SLC24A2: variants seen among roughly 807,000 people sequenced by gnomAD.
SLC24A2 encodes the protein solute carrier family 24 member 2.
A neutral mutation model predicts 62.0 loss-of-function variants in SLC24A2; 36 were observed. That is an observed-to-expected ratio of 0.58 (90% CI 0.44 to 0.77). SLC24A2 has a LOEUF of 0.77. Among genes scored for constraint, SLC24A2 ranks in the 30% least tolerant of loss-of-function variants. SLC24A2 has a pLI of 0.00. For synonymous variants in SLC24A2, 358 were observed against 294.0 expected, an observed-to-expected ratio of 1.22 and a Z score of -2.23; for missense variants, 846 against 817.9, an observed-to-expected ratio of 1.03 and a Z score of -0.42.
the SLC24A2 span, among the ~76,000 whole-genome samples, chr9:19,815,593 C>T: frequency 6.6e-6 from 1 of 152,040 alleles, no homozygotes; most frequent in African/African-American, 2.4e-5. Context: ...AGATGTATGC[C>T]ATGGAACCTA....
In SLC24A2 at chr9:19,513,176, GTATATATATA is replaced by G. The variant is rs60849714; in HGVS notation, c.*2967_*2976del. On this transcript the variant is annotated 3_prime_UTR_variant, in exon 11 of 11. Coordinates refer to ENST00000341998, the MANE Select transcript of SLC24A2 (RefSeq NM_020344.4). ...AAGATATATATATATATATATATAT[GTATATATATA>G]TATATGTATATATTTATATATGTAT... 4.5e-5 allele frequency: 3 copies of G among 66,970 alleles called. No individual in the cohort carries two copies. Among genetic ancestry groups the G allele is most frequent in the African/African-American group, 1.7e-4 (3 of 17,842 alleles). 4.1% of individuals were successfully genotyped at this position (66,970 alleles called of 1,614,324 possible). A position where few individuals can be genotyped will look rare whatever the true frequency, so the allele number is the denominator to read the frequency against.
chr9:20,019,284 A>AAAGAAAGG, the SLC24A2 span, among the ~76,000 whole-genome samples: 1 of 149,970 alleles, frequency 6.7e-6, no homozygotes, highest in East Asian at 1.9e-4. Context: ...AGAAAGAAAG[A>AAAGAAAGG]AAGAAAGAAA....
chr9:20,054,606 T>C, the SLC24A2 span, among the ~76,000 whole-genome samples: 1 of 152,184 alleles, frequency 6.6e-6, no homozygotes, highest in Non-Finnish European at 1.5e-5. Flanking sequence ...TCCTGAGTTT[T>C]CAAAGTCCAT....
chr9:20,149,815 T>A, the SLC24A2 span, among the ~76,000 whole-genome samples: 1 of 152,094 alleles, frequency 6.6e-6, no homozygotes, highest in Admixed American at 6.6e-5. Flanking sequence ...AGAAACTCAG[T>A]AGGAAAAAAT....
chr9:20,212,643 A>T, the SLC24A2 span, among the ~76,000 whole-genome samples: 1 of 151,760 alleles, frequency 6.6e-6, no homozygotes, highest in Admixed American at 6.6e-5. Flanking sequence ...GCCAGGGATA[A>T]ATAAGGAAAT....
chr9:20,013,909 A>G, the SLC24A2 span, among the ~76,000 whole-genome samples: 497 of 152,332 alleles, frequency 3.3e-3, 2 homozygotes, highest in Non-Finnish European at 5.5e-3. Context: ...AATGGTGTTT[A>G]TCAAAAAGAT....
At chr9:19,917,412 C>G in the SLC24A2 span, among the ~76,000 whole-genome samples, 1 of 149,186 alleles carries the variant, frequency 6.7e-6, no homozygotes, top group Non-Finnish European at 1.5e-5. Flanking sequence ...TTTATTAGCA[C>G]ATTGTCAAAT....
At chr9:19,544,338 G>C (rs1834438445) in intron 8 of SLC24A2, among the ~76,000 whole-genome samples, 1 of 150,702 alleles carries the variant, frequency 6.6e-6, no homozygotes, top group Non-Finnish European at 1.5e-5. Context: ...TGCATGTGAG[G>C]TGGGTCTCCT....
the SLC24A2 span, among the ~76,000 whole-genome samples, chr9:20,165,943 G>T: frequency 6.6e-6 from 1 of 151,574 alleles, no homozygotes; most frequent in Non-Finnish European, 1.5e-5. Flanking sequence ...TGGGCAAGGG[G>T]GATGGAAACA....
At chr9:20,257,906 T>C in the SLC24A2 span, among the ~76,000 whole-genome samples, 1 of 152,172 alleles carries the variant, frequency 6.6e-6, no homozygotes, top group African/African-American at 2.4e-5. Flanking sequence ...CATGGTCCCT[T>C]AGCTCATGGA....
chr9:20,104,042 C>A, the SLC24A2 span, among the ~76,000 whole-genome samples: 3 of 152,080 alleles, frequency 2.0e-5, no homozygotes, highest in South Asian at 6.2e-4. Flanking sequence ...TCAAGAACTA[C>A]ATGAAGAATG....
the SLC24A2 span, among the ~76,000 whole-genome samples, chr9:20,281,859 C>T: frequency 6.6e-6 from 1 of 152,104 alleles, no homozygotes. Context: ...CTAAATCTTC[C>T]AAAATATGAA....
chr9:19,887,105 A>G, the SLC24A2 span, among the ~76,000 whole-genome samples: 1 of 152,206 alleles, frequency 6.6e-6, no homozygotes, highest in Non-Finnish European at 1.5e-5. Context: ...TGCTGCGCTT[A>G]ATACCTAGGT....
chr9:19,592,541 C>T lies in SLC24A2; in HGVS notation c.1129+4688G>A, dbSNP rs867997018. Among the ~76,000 whole-genome samples the T allele has an allele frequency of 5.3e-5, 8 of 150,948 alleles. No individual in the cohort carries two copies. The East Asian group carries it at 1.4e-3, about 26-fold the overall frequency. On this transcript the variant is annotated intron_variant, in intron 5 of 10. Coordinates refer to ENST00000341998, the MANE Select transcript of SLC24A2 (RefSeq NM_020344.4). ...ACCTACCTACCTACCTACCTACCTACCTATCTACCTATCTACCTACATGTC... is the reference window on the plus strand; with the variant it reads ...ACCTACCTACCTACCTACCTACCTATCTATCTACCTATCTACCTACATGTC...
chr9:20,214,072 T>C, the SLC24A2 span, among the ~76,000 whole-genome samples: 3 of 152,328 alleles, frequency 2.0e-5, no homozygotes, highest in African/African-American at 7.2e-5. Context: ...TATTTCCTTG[T>C]AGGTATATAC....
intron 2 of SLC24A2, among the ~76,000 whole-genome samples, chr9:19,648,050 T>G (rs1308588964): frequency 6.6e-6 from 1 of 152,182 alleles, no homozygotes; most frequent in Non-Finnish European, 1.5e-5. Context: ...ACAGCCTTAT[T>G]CACTAGTTCT....
At position 19,550,208 on chromosome 9, in the gene SLC24A2, G is replaced by T; in HGVS notation, c.1408C>A (p.Gln470Lys). 1 of 1,614,100 alleles carries T rather than the reference G, an allele frequency of 6.2e-7. No homozygotes were observed. The highest frequency in any genetic ancestry group is 8.5e-7 in the Non-Finnish European group (1 of 1,179,962). Residue 470 changes from glutamine to lysine, a missense_variant, in exon 8 of 11, where the codon CAA becomes AAA. Coordinates refer to ENST00000341998, the MANE Select transcript of SLC24A2 (RefSeq NM_020344.4). ...GGGAAAACAATCAGAAACGTGACTT[G>T]CTTGCGGGTTTCAGAAGGCCAGGCA... is the stretch of plus-strand genomic sequence containing the variant. Reference protein sequence around the residue: ...SLAWPSETRKQVTFLIVFPIV... With the variant: ...SLAWPSETRKKVTFLIVFPIV...
At chr9:20,058,521 A>AC in the SLC24A2 span, among the ~76,000 whole-genome samples, 8 of 151,712 alleles carry the variant, frequency 5.3e-5, no homozygotes, top group Admixed American at 4.6e-4. Flanking sequence ...ACACACACAC[A>AC]AATATTTGGG....
chr9:20,288,407 C>A, the SLC24A2 span, among the ~76,000 whole-genome samples: 3 of 151,892 alleles, frequency 2.0e-5, no homozygotes, highest in Non-Finnish European at 4.4e-5. Flanking sequence ...AGGATGAGTG[C>A]ATGCCGGGGG....
Sources: allele counts gnomAD v4.1 joint callset (sites outside exome capture counted in the v4.1 genomes callset), GRCh38; gene constraint gnomAD v4.1.1; transcripts MANE v1.5; gene names NCBI Gene and HGNC (gene_info 2026-07-23, HGNC 2026-07-21).